CP: variants seen among roughly 807,000 people sequenced by gnomAD.
CP encodes the protein caeruloplasmin.
In CP, 64 loss-of-function variants were observed where a neutral mutation model predicts 122.4. That is an observed-to-expected ratio of 0.52 (90% CI 0.43 to 0.64). The LOEUF is 0.64. Among genes scored for constraint, CP ranks in the 30% least tolerant of loss-of-function variants. The pLI is 0.00. For missense variants in CP, 1,167 were observed against 1,284.4 expected, an observed-to-expected ratio of 0.91 and a Z score of 1.40; for synonymous variants, 440 against 436.4, an observed-to-expected ratio of 1.01 and a Z score of -0.10.
rs1016724653 is a variant in CP, at chr3:149,162,474, T to C, written c.*415A>G. The C allele has an allele frequency of 5.5e-6, 5 of 901,246 alleles. No homozygotes were observed. The African/African-American group carries it at 8.4e-5, about 15-fold the overall frequency. The allele number at this position is 901,246 out of a possible 1,614,324, so 55.8% of individuals were successfully genotyped here. On this transcript the variant is annotated 3_prime_UTR_variant, in exon 6 of 6. Transcript: ENST00000479771. ...ACATAATCAGTTTATAAGATAAAAG[T>C]ACTAATTAAAAGACTATATCTGTAG... is the stretch of plus-strand genomic sequence containing the variant.
Position 149,206,250 on chromosome 3 carries a change from T to A in CP, c.1126A>T (p.Ile376Phe), listed in dbSNP as rs371311742. ...TTCCAGATGATTTCCTCAGCGGCAA[T>A]GTAGTAGTGTCTAACATGCTTCCCA... The part of the protein sequence containing the change: ...IRGKHVRHYY[I>F]AAEEIIWNYA... Residue 376 changes from isoleucine to phenylalanine, a missense_variant, in exon 6 of 19, where the codon ATT becomes TTT. By Grantham distance (21) the Ile-to-Phe change is conservative. Coordinates refer to ENST00000264613, the MANE Select transcript of CP (RefSeq NM_000096.4). 1 of 1,613,902 alleles carries A rather than the reference T, an allele frequency of 6.2e-7. No homozygotes were observed. The highest frequency in any genetic ancestry group is 8.5e-7 in the Non-Finnish European group (1 of 1,179,902).
chr3:149,203,714 A>C (rs574205634), intron 6 of CP, among the ~76,000 whole-genome samples: 2 of 152,222 alleles, frequency 1.3e-5, no homozygotes, highest in Admixed American at 6.5e-5. Flanking sequence ...TTCACTTGAC[A>C]AATGCATCAA....
At chr3:149,178,990 C>A (rs762025264) in intron 15 of CP, among the ~76,000 whole-genome samples, 1 of 152,104 alleles carries the variant, frequency 6.6e-6, no homozygotes, top group Non-Finnish European at 1.5e-5. Flanking sequence ...CCCTAAAAAT[C>A]CATAGATGAA....
chr3:149,197,363 T>G (rs1024787344), intron 9 of CP, among the ~76,000 whole-genome samples: 1 of 152,168 alleles, frequency 6.6e-6, no homozygotes, highest in Non-Finnish European at 1.5e-5. Flanking sequence ...GAAAGGAAGA[T>G]GGAATTAGAA....
At chr3:149,217,947 A>C in intron 1 of CP, 1 of 421,722 alleles carries the variant, frequency 2.4e-6, no homozygotes, top group South Asian at 1.8e-5. Context: ...AGGCCTGCTT[A>C]TAGTGACATC....
rs537239818 is a variant in CP at position 149,195,629 on chromosome 3, C to G, written c.1713+2738G>C. Among the ~76,000 whole-genome samples the G allele has an allele frequency of 2.0e-5, 3 of 152,248 alleles. No individual in the cohort carries two copies. The South Asian group carries it at 6.2e-4, about 32-fold the overall frequency. On this transcript the variant is annotated intron_variant, in intron 9 of 18. Transcript: ENST00000264613. ...GTTTATTTAAAAATGGAAGAATAGG[C>G]AGAGGCAGGCGGATCACGAGGTTAG...
At chr3:149,191,008 A>C (rs1170273251) in intron 9 of CP, among the ~76,000 whole-genome samples, 1 of 152,200 alleles carries the variant, frequency 6.6e-6, no homozygotes, top group Non-Finnish European at 1.5e-5. Context: ...GAAAGTCTTT[A>C]ATGTAGCTGG....
At position 149,162,435 on chromosome 3, in the gene CP, G is replaced by C. The variant is rs776700043; in HGVS notation, c.*454C>G. 1.7e-5 allele frequency: 19 copies of C among 1,108,260 alleles called. No individual in the cohort carries two copies. In the South Asian group the frequency reaches 2.3e-4, roughly 14 times the overall value. The allele number at this position is 1,108,260 out of a possible 1,614,324, so 68.7% of individuals were successfully genotyped here. A position where few individuals can be genotyped will look rare whatever the true frequency, so the allele number is the denominator to read the frequency against. On this transcript the variant is annotated 3_prime_UTR_variant, in exon 6 of 6. Coordinates refer to the CP transcript ENST00000479771. The stretch of plus-strand genomic sequence containing the variant: ...TGAGTTTTTCATTTGTTTGTTTATT[G>C]AAAAAACAGACATACATAATCAGTT...
chr3:149,171,830 G>C (rs1419297480), downstream of CP, among the ~76,000 whole-genome samples: 4 of 151,164 alleles, frequency 2.6e-5, no homozygotes, highest in Non-Finnish European at 5.9e-5. Context: ...TCAGCCTCCT[G>C]AGTAGCTAGG....
chr3:149,177,330 C>T (rs1301827778), intron 17 of CP, among the ~76,000 whole-genome samples: 1 of 152,148 alleles, frequency 6.6e-6, no homozygotes, highest in Non-Finnish European at 1.5e-5. Flanking sequence ...CATGAAAATT[C>T]AGTTAAAAAT....
chr3:149,208,702 G>A (rs1444646451), intron 4 of CP, among the ~76,000 whole-genome samples: 1 of 152,002 alleles, frequency 6.6e-6, no homozygotes, highest in East Asian at 1.9e-4. Flanking sequence ...AGTCTAAACT[G>A]TAAAAAAAGC....
chr3:149,186,356 T>G, intron 11 of CP, 164 bp downstream of exon 11: 1 of 695,088 alleles, frequency 1.4e-6, no homozygotes, highest in South Asian at 1.6e-5. Context: ...ATCTGGTACA[T>G]ACTTCAGCTG....
Position 149,182,043 on chromosome 3 carries a change from A to G in CP, c.2516T>C (p.Val839Ala). The change falls in exon 14 of 19, where the codon GTA (valine) becomes GCA (alanine). Residue 839 changes from valine (V) to alanine (A), a missense_variant. This residue lies in a region of CP where 525 missense variants were observed against 657.2 expected (regional missense o/e 0.80). Coordinates refer to ENST00000264613, the MANE Select transcript of CP (RefSeq NM_000096.4). ...AGTAACTGTAGAACTCTCTGTTTGT[A>G]CCCCATGGGCATGTATTGAGTAGGG... ...TRPYSIHAHG[V>A]QTESSTVTPT... 6.5e-7 allele frequency: 1 copy of G among 1,530,796 alleles called. No homozygotes were observed. Among genetic ancestry groups the G allele is most frequent in the Non-Finnish European group, 8.8e-7 (1 of 1,138,944 alleles). The allele number at this position is 1,530,796 out of a possible 1,614,324, so 94.8% of individuals were successfully genotyped here.
rs1357519057 is a variant in CP at position 149,202,257 on chromosome 3, A to G, written c.1209-16T>C. The G allele has an allele frequency of 2.5e-6, 4 of 1,613,990 alleles. No individual in the cohort carries two copies. The highest frequency in any genetic ancestry group is 2.7e-5 in the African/African-American group (2 of 74,942). ...CGCTGAGTCACTGCAGGGGGAAAAA[A>G]GTGTTTAATGCTGGGGTTGAAGTAG... On this transcript the variant is annotated splice_polypyrimidine_tract_variant and intron_variant, in intron 6 of 18. Transcript: ENST00000264613.
Position 149,210,268 on chromosome 3 carries a change from TC to T in CP, c.505del (p.Glu169LysfsTer7). The T allele has an allele frequency of 6.2e-7, 1 of 1,614,090 alleles. No homozygotes were observed. The highest frequency in any genetic ancestry group is 8.5e-7 in the Non-Finnish European group (1 of 1,179,954). On this transcript the variant is annotated frameshift_variant, in exon 3 of 19. Coordinates refer to ENST00000264613, the MANE Select transcript of CP (RefSeq NM_000096.4). LOFTEE classifies it high-confidence loss of function. ...CCTAGTCACACAATTGCCATCTCCT[TC>T]CCCAGGACTTTGTTCTTCAGTGGCA... ...LLATEEQSPG[E>X]GDGNCVTRIY...
At chr3:149,214,848 C>T (rs1020371414) in intron 1 of CP, among the ~76,000 whole-genome samples, 12 of 152,248 alleles carry the variant, frequency 7.9e-5, no homozygotes, top group Admixed American at 3.3e-4. Context: ...AGTTTAAAAG[C>T]AGAGAGTCAT....
At chr3:149,219,826 T>C (rs1308528305) in intron 1 of CP, among the ~76,000 whole-genome samples, 2 of 151,530 alleles carry the variant, frequency 1.3e-5, no homozygotes, top group South Asian at 2.1e-4. Context: ...GTGGGAAAGT[T>C]TGGAACTTCC....
chr3:149,212,443 G>T lies in CP; in HGVS notation c.394+8C>A. The T allele has an allele frequency of 1.2e-6, 2 of 1,613,722 alleles. No individual in the cohort carries two copies. The highest frequency in any genetic ancestry group is 2.2e-5 in the South Asian group (2 of 90,908). On this transcript the variant is annotated splice_region_variant and intron_variant, in intron 2 of 18. Coordinates refer to ENST00000264613, the MANE Select transcript of CP (RefSeq NM_000096.4). ...AGAGGAAATTCCAGCTACATGAGCT[G>T]AACTTACCCTCATGTTCCTTATAGT... is the stretch of plus-strand genomic sequence containing the variant.
intron 18 of CP, among the ~76,000 whole-genome samples, chr3:149,174,772 CT>C (rs1015625938): frequency 2.6e-5 from 4 of 152,078 alleles, no homozygotes; most frequent in African/African-American, 9.7e-5. Context: ...AACATGGCCA[CT>C]GATTTTATGG....
Sources: gnomAD v4.1 joint callset for allele counts (sites outside exome capture counted in the v4.1 genomes callset) on GRCh38, gnomAD v4.1.1 for gene constraint, gnomAD v4.1.1 regional missense constraint, MANE v1.5 for transcripts, NCBI Gene and HGNC (gene_info 2026-07-23, HGNC 2026-07-21) for gene names.